The following MALRD1 variants were observed in gnomAD, a reference collection of about 807,000 sequenced individuals.
MALRD1 encodes MAM and LDL receptor class A domain containing 1, also known as MAM and LDL-receptor class A domain-containing protein 1.
A neutral mutation model predicts 242.1 loss-of-function variants in MALRD1; 247 were observed. The ratio of observed to expected loss-of-function variants is 1.02; its 90% CI spans 0.92 to 1.13. MALRD1 has a LOEUF of 1.13. Ranked by LOEUF, MALRD1 falls within the 50% of genes most tolerant of loss-of-function variation. MALRD1 has a pLI of 0.00. For missense variants in MALRD1, 2,989 were observed against 2,533.1 expected (o/e 1.18, Z -3.86); for synonymous variants, 995 against 866.6 (o/e 1.15, Z -2.60).
chr10:19,125,857 T>G (rs1351295132), intron 7 of MALRD1, among the ~76,000 whole-genome samples: 3 of 152,096 alleles, frequency 2.0e-5, no homozygotes, highest in Non-Finnish European at 2.9e-5. Flanking sequence ...TTTTTCTTAC[T>G]CACCATTGTT....
chr10:19,577,096 TG>T (rs962128383), intron 33 of MALRD1, among the ~76,000 whole-genome samples: 7 of 152,036 alleles, frequency 4.6e-5, no homozygotes, highest in African/African-American at 1.4e-4. Flanking sequence ...ATATAACAAT[TG>T]TAGATAAATT....
chr10:19,728,553 T>C (rs1176680949), intron 38 of MALRD1: 1 of 151,756 alleles, frequency 6.6e-6, no homozygotes, highest in Admixed American at 6.6e-5. Context: ...CAGCTCCTGG[T>C]TGTATGCTCA....
At chr10:19,445,482 G>T (rs993642189) in intron 28 of MALRD1, among the ~76,000 whole-genome samples, 1 of 152,212 alleles carries the variant, frequency 6.6e-6, no homozygotes, top group African/African-American at 2.4e-5. Flanking sequence ...GTGACATACA[G>T]ATGGGGTTTT....
intron 36 of MALRD1, among the ~76,000 whole-genome samples, chr10:19,637,453 A>C (rs1840188897): frequency 6.6e-6 from 1 of 152,198 alleles, no homozygotes; most frequent in South Asian, 2.1e-4. Flanking sequence ...TCACCAGGTA[A>C]AGTGACTTAG....
chr10:19,524,278 T>C (rs1564412182), intron 31 of MALRD1, among the ~76,000 whole-genome samples: 2 of 151,916 alleles, frequency 1.3e-5, no homozygotes, highest in East Asian at 1.9e-4. Context: ...GAGTTCGAGA[T>C]CAGCCTGGCC....
chr10:19,289,093 G>C (rs1368140427), intron 21 of MALRD1, among the ~76,000 whole-genome samples: 3 of 151,104 alleles, frequency 2.0e-5, no homozygotes, highest in Non-Finnish European at 4.4e-5. Context: ...TTTTCCTTGG[G>C]CTGCTTCTGA....
At chr10:19,535,085 C>A (rs1403649170) in intron 32 of MALRD1, among the ~76,000 whole-genome samples, 1 of 152,062 alleles carries the variant, frequency 6.6e-6, no homozygotes, top group African/African-American at 2.4e-5. Flanking sequence ...GGCGTTTCAC[C>A]ATGTTGGCCA....
chr10:19,247,891 T>A (rs947261423), intron 18 of MALRD1, among the ~76,000 whole-genome samples: 4 of 152,012 alleles, frequency 2.6e-5, no homozygotes, highest in Non-Finnish European at 5.9e-5. Flanking sequence ...ATTCACGAAT[T>A]GGGCAGCACT....
At chr10:19,430,769 C>T (rs1348137647) in intron 28 of MALRD1, among the ~76,000 whole-genome samples, 1 of 152,074 alleles carries the variant, frequency 6.6e-6, no homozygotes, top group Non-Finnish European at 1.5e-5. Context: ...ATTATGTGTC[C>T]TCACCTGCGC....
At chr10:19,482,366 C>G (rs977868463) in intron 29 of MALRD1, among the ~76,000 whole-genome samples, 1 of 151,524 alleles carries the variant, frequency 6.6e-6, no homozygotes, top group Non-Finnish European at 1.5e-5. Flanking sequence ...TATTAAAAAG[C>G]TAAAAAAAAG....
At chr10:19,137,081 G>A (rs1027231642) in intron 10 of MALRD1, among the ~76,000 whole-genome samples, 1 of 152,146 alleles carries the variant, frequency 6.6e-6, no homozygotes, top group African/African-American at 2.4e-5. Flanking sequence ...AAGATGGGTG[G>A]TAGAAGGAAA....
At chr10:19,624,461 C>G (rs941004421) in intron 36 of MALRD1, among the ~76,000 whole-genome samples, 4 of 152,040 alleles carry the variant, frequency 2.6e-5, no homozygotes, top group African/African-American at 7.2e-5. Flanking sequence ...TTTAAAATAA[C>G]CTAAAAAGTG....
At chr10:19,428,000 A>G (rs1338316680) in intron 28 of MALRD1, among the ~76,000 whole-genome samples, 1 of 152,144 alleles carries the variant, frequency 6.6e-6, no homozygotes, top group African/African-American at 2.4e-5. Context: ...CTGAGCTAGA[A>G]GCATCAAGAG....
chr10:19,451,876 T>A (rs1408909914), intron 29 of MALRD1, among the ~76,000 whole-genome samples: 1 of 152,166 alleles, frequency 6.6e-6, no homozygotes, highest in Admixed American at 6.6e-5. Flanking sequence ...ATGTGTTTCA[T>A]ACCATGTAAG....
chr10:19,076,923 C>T (rs1292680562), intron 2 of MALRD1, among the ~76,000 whole-genome samples: 2 of 151,898 alleles, frequency 1.3e-5, no homozygotes, highest in African/African-American at 4.8e-5. Context: ...TCCAGGCTAT[C>T]ATGCATCATG....
At chr10:19,082,707 T>G (rs1333208149) in intron 2 of MALRD1, among the ~76,000 whole-genome samples, 2 of 151,922 alleles carry the variant, frequency 1.3e-5, no homozygotes, top group East Asian at 3.9e-4. Flanking sequence ...CCTCTGGAAA[T>G]CAGATGCTCA....
intron 18 of MALRD1, among the ~76,000 whole-genome samples, chr10:19,217,861 G>A (rs997474827): frequency 6.6e-6 from 1 of 152,152 alleles, no homozygotes; most frequent in Non-Finnish European, 1.5e-5. Context: ...TTACTTGCCT[G>A]TGAGATCACT....
intron 30 of MALRD1, among the ~76,000 whole-genome samples, chr10:19,494,473 G>A (rs1309677625): frequency 6.6e-6 from 1 of 152,124 alleles, no homozygotes; most frequent in African/African-American, 2.4e-5. Context: ...AATATGGGTA[G>A]GAACAAATAC....
intron 36 of MALRD1, among the ~76,000 whole-genome samples, chr10:19,658,034 G>A (rs544570708): frequency 1.3e-5 from 2 of 151,998 alleles, no homozygotes; most frequent in Admixed American, 6.6e-5. Flanking sequence ...TGTAATCCCA[G>A]CTACTCAGGA....
Sources: allele counts gnomAD v4.1 joint callset (sites outside exome capture counted in the v4.1 genomes callset), GRCh38; gene constraint gnomAD v4.1.1; transcripts MANE v1.5; gene names NCBI Gene and HGNC (gene_info 2026-07-23, HGNC 2026-07-21).